LOC400499: variants seen among roughly 807,000 people sequenced by gnomAD.
chr16:11,447,969 C>G, the LOC400499 span: 1 of 1,536,056 alleles, frequency 6.5e-7, no homozygotes, highest in Non-Finnish European at 8.7e-7. Flanking sequence ...GGTACAATGT[C>G]CTGTCTTGCC....
the LOC400499 span, among the ~76,000 whole-genome samples, chr16:11,473,402 T>C: frequency 6.6e-6 from 1 of 152,086 alleles, no homozygotes; most frequent in Admixed American, 6.5e-5. Flanking sequence ...ATTTATTTCC[T>C]GTCTTTTTAC....
chr16:11,480,783 G>A, the LOC400499 span, among the ~76,000 whole-genome samples: 1 of 152,212 alleles, frequency 6.6e-6, no homozygotes, highest in African/African-American at 2.4e-5. Context: ...GATGGATACA[G>A]AAATTGTTGT....
the LOC400499 span, among the ~76,000 whole-genome samples, chr16:11,437,820 G>A: frequency 6.6e-6 from 1 of 152,130 alleles, no homozygotes; most frequent in African/African-American, 2.4e-5. Context: ...AGTGAGCCGA[G>A]ATCATGCCAC....
chr16:11,510,685 C>G, the LOC400499 span, among the ~76,000 whole-genome samples: 1 of 151,618 alleles, frequency 6.6e-6, no homozygotes, highest in Non-Finnish European at 1.5e-5. Flanking sequence ...CCCGGCAGTG[C>G]TCAGCACACA....
the LOC400499 span, chr16:11,448,872 G>A: frequency 1.5e-6 from 2 of 1,358,736 alleles, no homozygotes; most frequent in South Asian, 1.7e-5. Context: ...AAACCGAGGT[G>A]AGGGATTCGG....
the LOC400499 span, among the ~76,000 whole-genome samples, chr16:11,511,690 C>G: frequency 1.3e-5 from 2 of 152,164 alleles, no homozygotes; most frequent in Non-Finnish European, 2.9e-5. Context: ...AAGATGATGG[C>G]TAATGAGCAC....
At chr16:11,386,047 T>A in the LOC400499 span, among the ~76,000 whole-genome samples, 2 of 152,048 alleles carry the variant, frequency 1.3e-5, no homozygotes, top group Non-Finnish European at 2.9e-5. Context: ...AAAAAAAATG[T>A]CACACATACA....
the LOC400499 span, chr16:11,467,288 A>T: frequency 0.31 from 43,629 of 142,902 alleles, 6,861 homozygotes; most frequent in Admixed American, 0.44. Flanking sequence ...AAAAAAAAAA[A>T]GTCCTCACAG....
At chr16:11,477,205 G>A in the LOC400499 span, among the ~76,000 whole-genome samples, 2 of 152,222 alleles carry the variant, frequency 1.3e-5, no homozygotes. Flanking sequence ...GCATGTGGCT[G>A]GGACATGTGA....
chr16:11,487,244 G>T, the LOC400499 span: 2 of 398,712 alleles, frequency 5.0e-6, no homozygotes, highest in African/African-American at 4.1e-5. Flanking sequence ...AGAGGCTATA[G>T]CAAGGCTCCC....
At chr16:11,397,568 C>A in the LOC400499 span, among the ~76,000 whole-genome samples, 1 of 152,124 alleles carries the variant, frequency 6.6e-6, no homozygotes, top group Non-Finnish European at 1.5e-5. Flanking sequence ...CCACCGCACC[C>A]GGCTTGTAAA....
At chr16:11,398,853 G>T in the LOC400499 span, among the ~76,000 whole-genome samples, 1 of 151,982 alleles carries the variant, frequency 6.6e-6, no homozygotes, top group African/African-American at 2.4e-5. Context: ...TAGAGATGGG[G>T]TTTCGCCATG....
the LOC400499 span, chr16:11,472,328 G>C: frequency 6.6e-6 from 1 of 152,172 alleles, no homozygotes; most frequent in African/African-American, 2.4e-5. Flanking sequence ...GGGTAGCTGG[G>C]ATTACAGGCA....
chr16:11,417,882 A>C, the LOC400499 span: 1 of 398,478 alleles, frequency 2.5e-6, no homozygotes, highest in African/African-American at 2.1e-5. Context: ...CTGTGCAGAG[A>C]GAGCCAGCCT....
chr16:11,523,412 T>A, the LOC400499 span: 1 of 398,730 alleles, frequency 2.5e-6, no homozygotes, highest in Non-Finnish European at 4.4e-6. Context: ...CCTGAGAGAA[T>A]CACTCACCTG....
At chr16:11,516,282 G>A in the LOC400499 span, 31 of 399,416 alleles carry the variant, frequency 7.8e-5, no homozygotes, top group Non-Finnish European at 1.3e-4. Flanking sequence ...AGGATGAAGC[G>A]GAGTGGGTTA....
At chr16:11,468,121 T>C in the LOC400499 span, among the ~76,000 whole-genome samples, 1 of 127,162 alleles carries the variant, frequency 7.9e-6, no homozygotes, top group African/African-American at 2.9e-5. Context: ...AAAACAACAA[T>C]AACAACAAAA....
the LOC400499 span, among the ~76,000 whole-genome samples, chr16:11,488,116 CAA>C: frequency 2.2e-5 from 3 of 138,926 alleles, no homozygotes; most frequent in Non-Finnish European, 1.6e-5. Flanking sequence ...TAGTCCATGT[CAA>C]AAAAAAAAAA....
the LOC400499 span, chr16:11,399,339 A>G: frequency 2.0e-6 from 2 of 997,990 alleles, no homozygotes; most frequent in African/African-American, 3.4e-5. Context: ...TAAGGCTCAC[A>G]GCAGAGAAGT....
Sources: gnomAD v4.1 joint callset for allele counts (sites outside exome capture counted in the v4.1 genomes callset) on GRCh38, gnomAD v4.1.1 for gene constraint, MANE v1.5 for transcripts.